NFATC1: variants seen among roughly 807,000 people sequenced by gnomAD.
The protein encoded by NFATC1 is nuclear factor of activated T cells 1, also known as nuclear factor of activated T-cells, cytoplasmic 1.
In NFATC1, 22 loss-of-function variants were observed where a neutral mutation model predicts 76.0. The ratio of observed to expected loss-of-function variants is 0.29; its 90% confidence interval spans 0.21 to 0.41. NFATC1 has a LOEUF of 0.41. NFATC1 is among the 10% of genes least tolerant of loss of function. The pLI is 1.00. For synonymous variants in NFATC1, 704 were observed against 613.1 expected, an observed-to-expected ratio of 1.15 and a Z score of -2.19; for missense variants, 1,357 against 1,337.7, an observed-to-expected ratio of 1.01 and a Z score of -0.23.
At chr18:79,414,291 A>G (rs2085801386) in intron 2 of NFATC1, among the ~76,000 whole-genome samples, 1 of 152,108 alleles carries the variant, frequency 6.6e-6, no homozygotes, top group African/African-American at 2.4e-5. Flanking sequence ...ATGATCTCCA[A>G]AGTTTGGGAT....
In NFATC1 at chr18:79,529,254, G is replaced by A. The variant is rs916802160; in HGVS notation, c.*1677G>A. ...AGGGGACTGTCATTGAAAAGGAAAC[G>A]TTTGATGTCTGTGTCAGCTGTCTTT... is the stretch of plus-strand genomic sequence containing the variant. On this transcript the variant is annotated 3_prime_UTR_variant, in exon 10 of 10. Coordinates refer to ENST00000427363, the MANE Select transcript of NFATC1 (RefSeq NM_001278669.2). 1 of 152,234 alleles carries A rather than the reference G, an allele frequency of 6.6e-6. No individual in the cohort carries two copies. The highest frequency in any genetic ancestry group is 2.4e-5 in the African/African-American group (1 of 41,452). 9.4% of individuals were successfully genotyped at this position (152,234 alleles called of 1,614,324 possible).
chr18:79,524,790 G>A lies in NFATC1; in HGVS notation c.2783-2738G>A, dbSNP rs1036456426. ...CCGCCCCCCGACGGGCTCTCCCACC[G>A]AGGCTCAGGTGCTCGTGGGCAGCAA... On this transcript the variant is annotated intron_variant, in intron 9 of 9. Coordinates refer to ENST00000427363, the MANE Select transcript of NFATC1 (RefSeq NM_001278669.2). The surrounding 1 kb of genome is among the most constrained non-coding windows in gnomAD (Gnocchi z 7.2). Among the ~76,000 whole-genome samples, 5 of 152,078 alleles carry A rather than the reference G, an allele frequency of 3.3e-5. No homozygotes were observed. Among genetic ancestry groups the A allele is most frequent in the Non-Finnish European group, 7.4e-5 (5 of 67,968 alleles).
At chr18:79,525,456 GTCCTCCCCAC>G in intron 9 of NFATC1, among the ~76,000 whole-genome samples, 1 of 23,074 alleles carries the variant, frequency 4.3e-5, no homozygotes, top group Non-Finnish European at 8.1e-5. Flanking sequence ...TTACCCCTCA[GTCCTCCCCAC>G]GTCCCACCGT....
intron 1 of NFATC1, among the ~76,000 whole-genome samples, chr18:79,409,238 T>C (rs192295874): frequency 2.2e-4 from 33 of 149,412 alleles, no homozygotes; most frequent in Non-Finnish European, 4.0e-4. Flanking sequence ...CCATCATCCA[T>C]CCATTATTCC....
intron 2 of NFATC1, among the ~76,000 whole-genome samples, chr18:79,431,519 G>C (rs2086588114): frequency 6.6e-6 from 1 of 152,014 alleles, no homozygotes. Context: ...CTGTGTGGCT[G>C]GGATCACAGA....
intron 9 of NFATC1, among the ~76,000 whole-genome samples, chr18:79,488,030 C>T (rs996626212): frequency 9.2e-5 from 14 of 152,182 alleles, no homozygotes; most frequent in Non-Finnish European, 1.5e-4. Flanking sequence ...GGGGTCCAGG[C>T]GAGCCTCGGC....
intron 2 of NFATC1, among the ~76,000 whole-genome samples, chr18:79,413,728 T>C (rs933863684): frequency 5.3e-5 from 8 of 152,256 alleles, no homozygotes; most frequent in Admixed American, 3.9e-4. Context: ...GGTTCCTTCT[T>C]CGTCTCCTGG....
chr18:79,464,072 A>G (rs9947644), intron 7 of NFATC1, among the ~76,000 whole-genome samples: 6,371 of 152,280 alleles, frequency 0.042, 433 homozygotes, highest in African/African-American at 0.14. Context: ...GTGTACTTCA[A>G]GTTTACTGGT....
chr18:79,499,976 A>G (rs2089981035), intron 9 of NFATC1, among the ~76,000 whole-genome samples: 1 of 152,206 alleles, frequency 6.6e-6, no homozygotes, highest in Admixed American at 6.5e-5. Context: ...ATAATACATG[A>G]AACAAGAACT....
At chr18:79,475,366 GC>G (rs2089019537) in intron 8 of NFATC1, among the ~76,000 whole-genome samples, 1 of 141,086 alleles carries the variant, frequency 7.1e-6, no homozygotes, top group African/African-American at 2.7e-5. Flanking sequence ...GTGTTTTCAC[GC>G]TCACTGTCGA....
At chr18:79,442,056 C>T (rs927503997) in intron 3 of NFATC1, among the ~76,000 whole-genome samples, 7 of 152,236 alleles carry the variant, frequency 4.6e-5, no homozygotes, top group East Asian at 1.9e-4. Context: ...TCGTGCCGAG[C>T]GCCATTGCCT....
intron 4 of NFATC1, among the ~76,000 whole-genome samples, chr18:79,450,029 A>G (rs1186644229): frequency 1.3e-5 from 2 of 152,290 alleles, no homozygotes; most frequent in East Asian, 1.9e-4. Context: ...CAGACAGGGC[A>G]CAGTCAGGTG....
At chr18:79,483,162 G>A (rs1378786798) in intron 8 of NFATC1, among the ~76,000 whole-genome samples, 29 of 82,898 alleles carry the variant, frequency 3.5e-4, no homozygotes, top group Admixed American at 6.3e-4. Flanking sequence ...TAATTCCAGC[G>A]TGACCTGGTT....
In NFATC1 at chr18:79,527,875, G is replaced by A. The variant is rs73481153; in HGVS notation, c.*298G>A. ...GGCCTTTCATGGGAACGGCCCACACGCAGTTTGACCCCACGCCCAGCCCTT... is the reference window on the plus strand; with the variant it reads ...GGCCTTTCATGGGAACGGCCCACACACAGTTTGACCCCACGCCCAGCCCTT... On this transcript the variant is annotated 3_prime_UTR_variant, in exon 10 of 10. Transcript: ENST00000427363. 3,204 of 473,982 alleles carry A rather than the reference G, an allele frequency of 6.8e-3. 93 individuals are homozygous for A. Among genetic ancestry groups the A allele is most frequent in the African/African-American group, 0.053 (2,768 of 52,214 alleles). 29.4% of individuals were successfully genotyped at this position (473,982 alleles called of 1,614,324 possible).
chr18:79,472,577 C>T (rs939500431), intron 8 of NFATC1, among the ~76,000 whole-genome samples: 19 of 152,242 alleles, frequency 1.2e-4, no homozygotes, highest in African/African-American at 4.3e-4. Flanking sequence ...ATCACCCTTT[C>T]GCTGCCATTG....
At chr18:79,458,904 T>C (rs1422790767) in intron 6 of NFATC1, among the ~76,000 whole-genome samples, 2 of 152,260 alleles carry the variant, frequency 1.3e-5, no homozygotes, top group African/African-American at 4.8e-5. Flanking sequence ...AGATAGACAT[T>C]TCTGGCCGTG....
chr18:79,503,545 G>T (rs1266417083), intron 9 of NFATC1, among the ~76,000 whole-genome samples: 1 of 151,664 alleles, frequency 6.6e-6, no homozygotes, highest in African/African-American at 2.4e-5. Context: ...GCCGTCATCC[G>T]GGCTTTGTCG....
intron 3 of NFATC1, among the ~76,000 whole-genome samples, chr18:79,444,440 C>T (rs1165783337): frequency 1.4e-5 from 2 of 138,226 alleles, no homozygotes; most frequent in African/African-American, 3.0e-5. Context: ...ACCCCGAGCC[C>T]ACGCTGCTCT....
intron 1 of NFATC1, chr18:79,400,306 G>A: frequency 7.8e-7 from 1 of 1,284,278 alleles, no homozygotes. Context: ...GTCACGTTAC[G>A]CGGAGGACGC....
Sources: allele counts gnomAD v4.1 joint callset (sites outside exome capture counted in the v4.1 genomes callset), GRCh38; gene constraint gnomAD v4.1.1; non-coding constraint Gnocchi (gnomAD v3.1); transcripts MANE v1.5; gene names NCBI Gene and HGNC (gene_info 2026-07-23, HGNC 2026-07-21).